The following CATSPER2 variants were observed in gnomAD, a reference collection of about 807,000 sequenced individuals.
The protein encoded by CATSPER2 is cation channel sperm associated 2, also known as cation channel sperm-associated protein 2.
CATSPER2 carries 56 observed loss-of-function variants against 68.8 expected under a neutral mutation model. The observed-to-expected ratio is 0.81, with a 90% confidence interval of 0.66 to 1.02. CATSPER2 has a LOEUF of 1.02. Among genes scored for constraint, CATSPER2 ranks in the 50% least tolerant of loss-of-function variants. CATSPER2 has a pLI of 0.00. For synonymous variants in CATSPER2, 198 were observed against 229.9 expected (o/e 0.86, Z 1.26); for missense variants, 582 against 642.0 (o/e 0.91, Z 1.01).
At chr15:43,641,923 G>A (rs1368592767) in intron 4 of CATSPER2, among the ~76,000 whole-genome samples, 1 of 151,674 alleles carries the variant, frequency 6.6e-6, no homozygotes, top group African/African-American at 2.4e-5. Context: ...GCCTCAAACT[G>A]CTGGGCTAAA....
At chr15:43,633,330 C>G in intron 10 of CATSPER2, 1 of 284,364 alleles carries the variant, frequency 3.5e-6, no homozygotes, top group Non-Finnish European at 6.8e-6. Context: ...ACGTAAGTCA[C>G]TTCATGTCAC....
intron 4 of CATSPER2, among the ~76,000 whole-genome samples, chr15:43,644,326 A>G (rs1216975563): frequency 6.6e-6 from 1 of 152,014 alleles, no homozygotes; most frequent in Non-Finnish European, 1.5e-5. Context: ...TTTCTACCAC[A>G]AGAATAAGCT....
chr15:43,631,976 C>G lies in CATSPER2; in HGVS notation c.1561+223G>C, dbSNP rs28366727. Among the ~76,000 whole-genome samples, 58,215 of 151,658 alleles carry G rather than the reference C, an allele frequency of 0.38. 14,117 individuals are homozygous for G. The highest frequency in any genetic ancestry group is 0.67 in the African/African-American group (27,859 of 41,314). ...CCTCATAGGATTTGGGTGTCCCCTGCTACAGAAGCAGAGTTTCTAGGTTCT... is the reference window on the plus strand; with the variant it reads ...CCTCATAGGATTTGGGTGTCCCCTGGTACAGAAGCAGAGTTTCTAGGTTCT... On this transcript the variant is annotated intron_variant, in intron 12 of 12. Transcript: ENST00000396879.
rs1165949252 is a variant in CATSPER2, at chr15:43,633,262, C to T, written c.1179-328G>A. On this transcript the variant is annotated intron_variant, in intron 10 of 12. Coordinates refer to ENST00000396879, the MANE Select transcript of CATSPER2 (RefSeq NM_172095.4). The stretch of plus-strand genomic sequence containing the variant: ...GCAGCAGCATAGCCTCCCAACTGAT[C>T]TCTCTACTCCTTCCCTTGTTCTTCT... 7 of 371,796 alleles carry T rather than the reference C, an allele frequency of 1.9e-5. 1 individual carries two copies. The highest frequency in any genetic ancestry group is 4.2e-5 in the African/African-American group (2 of 47,892). The allele number at this position is 371,796 out of a possible 1,614,324, so 23.0% of individuals were successfully genotyped here.
Position 43,640,205 on chromosome 15 carries a change from A to G in CATSPER2, c.561+119T>C, listed in dbSNP as rs557782255. The G allele has an allele frequency of 7.5e-5, 118 of 1,579,022 alleles. 1 individual carries two copies. The Admixed American group carries it at 1.7e-3, about 23-fold the overall frequency. The stretch of plus-strand genomic sequence containing the variant: ...TGTTTAGTTTTAGGGAAAAAAAATC[A>G]AAAGAAAGAAGTTAAGTAAATTTTT... On this transcript the variant is annotated intron_variant, in intron 5 of 12. Coordinates refer to ENST00000396879, the MANE Select transcript of CATSPER2 (RefSeq NM_172095.4).
At chr15:43,639,937 A>G (rs1459322181) in intron 5 of CATSPER2, 139 bp from the exon 6 acceptor site, 1 of 1,561,612 alleles carries the variant, frequency 6.4e-7, no homozygotes, top group Non-Finnish European at 8.7e-7. Flanking sequence ...CTTACTATTC[A>G]GCCTTTCTAT....
intron 12 of CATSPER2, among the ~76,000 whole-genome samples, 200 bp downstream of exon 12, chr15:43,631,997 GTT>G (rs1258742061): frequency 1.3e-5 from 2 of 151,924 alleles, no homozygotes; most frequent in Non-Finnish European, 2.9e-5. Context: ...GAGTTTCTAG[GTT>G]CTCTCTCAGT....
At chr15:43,634,540 C>T (rs1266404311) in intron 10 of CATSPER2, 1 of 152,068 alleles carries the variant, frequency 6.6e-6, no homozygotes, top group Non-Finnish European at 1.5e-5. Context: ...TGGGATCTTG[C>T]TCTGTTGCCC....
At chr15:43,645,763 A>G (rs1417646377) in intron 4 of CATSPER2, among the ~76,000 whole-genome samples, 1 of 151,934 alleles carries the variant, frequency 6.6e-6, no homozygotes, top group Non-Finnish European at 1.5e-5. Context: ...ACTGCACTCC[A>G]GCCTAAGCAA....
rs1354288133 is a variant in CATSPER2, at chr15:43,638,286, C to CTTTCTTTTTTTT, written c.842+617_842+618insAAAAAAAAGAAA. Among the ~76,000 whole-genome samples, 102 of 81,840 alleles carry CTTTCTTTTTTTT rather than the reference C, an allele frequency of 1.2e-3. 1 individual carries two copies. Among genetic ancestry groups the CTTTCTTTTTTTT allele is most frequent in the East Asian group, 2.0e-3 (5 of 2,498 alleles). The allele number at this position is 81,840 out of a possible 152,430, so 53.7% of individuals were successfully genotyped here. A position where few individuals can be genotyped will look rare whatever the true frequency, so the allele number is the denominator to read the frequency against. ...ATTTTTCTTTTCTTTTTCTTTCTTT[C>CTTTCTTTTTTTT]TTTTTTTTTTTTTTTTTTTTTGAGA... On this transcript the variant is annotated intron_variant, in intron 7 of 12. Coordinates refer to ENST00000396879, the MANE Select transcript of CATSPER2 (RefSeq NM_172095.4).
chr15:43,635,285 C>A, intron 10 of CATSPER2, 75 bp downstream of exon 10: 5 of 1,307,670 alleles, frequency 3.8e-6, no homozygotes, highest in Non-Finnish European at 5.5e-6. Context: ...TCTCTCAAAG[C>A]CAATCTTCAT....
At chr15:43,639,473 G>A in intron 6 of CATSPER2, 170 bp downstream of exon 6, 1 of 704,336 alleles carries the variant, frequency 1.4e-6, no homozygotes, top group South Asian at 1.5e-5. Flanking sequence ...CACCATGTTG[G>A]TCAGGCTGGT....
intron 4 of CATSPER2, among the ~76,000 whole-genome samples, chr15:43,641,122 GT>G (rs199572819): frequency 1.2e-4 from 17 of 144,084 alleles, no homozygotes; most frequent in East Asian, 6.0e-4. Context: ...TTTGTTTTTT[GT>G]TTTTTTTTTT....
At chr15:43,644,783 C>G (rs1256218011) in intron 4 of CATSPER2, among the ~76,000 whole-genome samples, 1 of 151,964 alleles carries the variant, frequency 6.6e-6, no homozygotes, top group East Asian at 1.9e-4. Flanking sequence ...GAAACCAGTC[C>G]CTGATGCCAA....
chr15:43,646,313 T>C (rs558366222), intron 4 of CATSPER2, among the ~76,000 whole-genome samples: 7 of 150,436 alleles, frequency 4.7e-5, no homozygotes, highest in Non-Finnish European at 7.4e-5. Context: ...TGAGATGGGG[T>C]GCAGTGGCGT....
At chr15:43,646,971 C>A in intron 4 of CATSPER2, 79 bp downstream of exon 4, 6 of 1,228,924 alleles carry the variant, frequency 4.9e-6, no homozygotes, top group African/African-American at 1.5e-5. Context: ...CACGCCCCGG[C>A]CTCCCAAAGT....
intron 4 of CATSPER2, among the ~76,000 whole-genome samples, chr15:43,643,273 G>A (rs2086103954): frequency 6.6e-6 from 1 of 151,780 alleles, no homozygotes; most frequent in South Asian, 2.1e-4. Context: ...CATTTACACA[G>A]TTTTAATATT....
intron 4 of CATSPER2, among the ~76,000 whole-genome samples, chr15:43,643,576 A>G (rs1452729893): frequency 6.6e-6 from 1 of 151,866 alleles, no homozygotes; most frequent in Non-Finnish European, 1.5e-5. Flanking sequence ...ACCTCAAGTG[A>G]TCCGCAGGAC....
chr15:43,648,879 C>T (rs1423064855), upstream of CATSPER2: 9 of 1,498,158 alleles, frequency 6.0e-6, no homozygotes, highest in Admixed American at 4.1e-5. Context: ...GGCCCCGCCC[C>T]GCCCCGCTCT....
Sources: allele counts gnomAD v4.1 joint callset (sites outside exome capture counted in the v4.1 genomes callset), GRCh38; gene constraint gnomAD v4.1.1; transcripts MANE v1.5; gene names NCBI Gene and HGNC (gene_info 2026-07-23, HGNC 2026-07-21).